LRRC63: variants seen among roughly 807,000 people sequenced by gnomAD.
LRRC63 encodes the protein leucine rich repeat containing 63.
LRRC63 carries 40 observed loss-of-function variants against 49.5 expected under a neutral mutation model. The observed-to-expected ratio is 0.81, with a 90% CI of 0.63 to 1.05. The LOEUF is 1.05. Among genes scored for constraint, LRRC63 ranks in the 50% least tolerant of loss-of-function variants. The pLI is 0.00. For synonymous variants in LRRC63, 191 were observed against 221.1 expected, an observed-to-expected ratio of 0.86 and a Z score of 1.21; for missense variants, 636 against 663.1, an observed-to-expected ratio of 0.96 and a Z score of 0.45.
chr13:46,222,824 A>G (rs1394075047), intron 2 of LRRC63, among the ~76,000 whole-genome samples: 3 of 152,032 alleles, frequency 2.0e-5, no homozygotes, highest in Non-Finnish European at 4.4e-5. Context: ...ATGTCCAACA[A>G]TGATAGACTG....
At chr13:46,220,553 TCCACTGAGCTAGA>T (rs2046376381) in intron 2 of LRRC63, among the ~76,000 whole-genome samples, 1 of 151,708 alleles carries the variant, frequency 6.6e-6, no homozygotes, top group Non-Finnish European at 1.5e-5. Flanking sequence ...GGGGGTGGGA[TCCACTGAGCTAGA>T]CCACTTGGCT....
intron 3 of LRRC63, among the ~76,000 whole-genome samples, 185 bp from the exon 4 acceptor site, chr13:46,228,480 C>G (rs1435801174): frequency 2.0e-5 from 3 of 152,148 alleles, no homozygotes; most frequent in African/African-American, 7.2e-5. Flanking sequence ...AATACACAGT[C>G]ATTCAAAGGT....
chr13:46,247,587 G>C (rs1778605899), intron 6 of LRRC63, among the ~76,000 whole-genome samples: 1 of 152,104 alleles, frequency 6.6e-6, no homozygotes, highest in Admixed American at 6.6e-5. Flanking sequence ...GTGTTATATA[G>C]CTATAGATAA....
chr13:46,266,875 C>A, exon 9 of LRRC63: 5 of 1,548,914 alleles, frequency 3.2e-6, no homozygotes, highest in Non-Finnish European at 4.4e-6. Context: ...GAATAATCCA[C>A]AACAACTTAC....
At chr13:46,251,734 T>G (rs1054249244) in intron 7 of LRRC63, among the ~76,000 whole-genome samples, 12 of 151,880 alleles carry the variant, frequency 7.9e-5, no homozygotes, top group African/African-American at 2.9e-4. Flanking sequence ...CACACAGAAC[T>G]ATATATGTAT....
At chr13:46,255,881 A>G (rs2138552497) in intron 7 of LRRC63, among the ~76,000 whole-genome samples, 1 of 152,222 alleles carries the variant, frequency 6.6e-6, no homozygotes, top group East Asian at 1.9e-4. Flanking sequence ...CCCCATGTAC[A>G]TTTCTAGTCA....
chr13:46,228,118 C>T (rs2046632641), exon 3 of LRRC63: 2 of 1,550,286 alleles, frequency 1.3e-6, no homozygotes, highest in African/African-American at 1.4e-5. Context: ...CTAAGAGTTA[C>T]TGAATTTCCA....
intron 7 of LRRC63, among the ~76,000 whole-genome samples, chr13:46,253,104 G>A (rs2047426596): frequency 6.6e-6 from 1 of 151,942 alleles, no homozygotes; most frequent in African/African-American, 2.4e-5. Context: ...CTTGGACCAA[G>A]GCAATGGTAG....
chr13:46,215,282 C>T (rs2046216490), intron 2 of LRRC63, among the ~76,000 whole-genome samples: 1 of 152,134 alleles, frequency 6.6e-6, no homozygotes. Context: ...CTATTGTTTC[C>T]TGACTTTTTA....
intron 9 of LRRC63, among the ~76,000 whole-genome samples, chr13:46,267,978 C>T (rs2047705189): frequency 6.6e-6 from 1 of 152,130 alleles, no homozygotes; most frequent in Admixed American, 6.5e-5. Context: ...TTGAGAGAAA[C>T]ATCCTTGATT....
rs183040829 is a variant in LRRC63, at chr13:46,267,709, A to T, written c.1550+737A>T. Among the ~76,000 whole-genome samples, 346 of 152,322 alleles carry T rather than the reference A, an allele frequency of 2.3e-3. 1 individual carries two copies. The highest frequency in any genetic ancestry group is 2.2e-3 in the Non-Finnish European group (152 of 68,036). On this transcript the variant is annotated intron_variant, in intron 9 of 9. Coordinates refer to ENST00000595396, the Ensembl canonical transcript of LRRC63. Reference sequence around the variant, plus strand: ...CAACGAAAAAGGAACCAGGCCCAGAAGTTTTTGATTTTATGGTATTAAGAT... The same window carrying T: ...CAACGAAAAAGGAACCAGGCCCAGATGTTTTTGATTTTATGGTATTAAGAT...
chr13:46,227,540 T>G, exon 3 of LRRC63: 4 of 1,539,024 alleles, frequency 2.6e-6, no homozygotes, highest in Non-Finnish European at 3.5e-6. Flanking sequence ...AGTCACTACA[T>G]GTAGCATTCA....
At chr13:46,220,437 G>C (rs2138365878) in intron 2 of LRRC63, among the ~76,000 whole-genome samples, 1 of 152,250 alleles carries the variant, frequency 6.6e-6, no homozygotes, top group African/African-American at 2.4e-5. Flanking sequence ...AAGCCTCAGT[G>C]ATGGCAGACG....
intron 7 of LRRC63, among the ~76,000 whole-genome samples, chr13:46,260,263 G>T (rs1409742029): frequency 6.6e-6 from 1 of 152,194 alleles, no homozygotes; most frequent in Non-Finnish European, 1.5e-5. Context: ...GCAAGAAAAT[G>T]ATATGATATT....
intron 8 of LRRC63, among the ~76,000 whole-genome samples, chr13:46,263,291 C>T (rs2047640010): frequency 6.6e-6 from 1 of 152,138 alleles, no homozygotes; most frequent in South Asian, 2.1e-4. Flanking sequence ...TCTCCTGCCT[C>T]AGCCTCCTGA....
intron 2 of LRRC63, among the ~76,000 whole-genome samples, chr13:46,215,497 T>G (rs1275792429): frequency 1.3e-5 from 2 of 152,184 alleles, no homozygotes; most frequent in African/African-American, 4.8e-5. Flanking sequence ...TTAAGTTCCT[T>G]GTAAATTGTG....
chr13:46,256,956 TAA>T (rs2047521854), intron 7 of LRRC63, among the ~76,000 whole-genome samples: 1 of 152,156 alleles, frequency 6.6e-6, no homozygotes, highest in Non-Finnish European at 1.5e-5. Context: ...AAAGGGAAAT[TAA>T]GTTTGGAGAT....
At chr13:46,219,448 C>A (rs2046343524) in intron 2 of LRRC63, among the ~76,000 whole-genome samples, 1 of 152,168 alleles carries the variant, frequency 6.6e-6, no homozygotes, top group South Asian at 2.1e-4. Flanking sequence ...TTTTCAGCTC[C>A]ATCAGTTCAT....
chr13:46,250,444 T>C, exon 7 of LRRC63: 1 of 1,537,936 alleles, frequency 6.5e-7, no homozygotes, highest in Non-Finnish European at 8.8e-7. Context: ...TTGAGTTCCT[T>C]AGAATTTTCA....
Sources: gnomAD v4.1 joint callset for allele counts (sites outside exome capture counted in the v4.1 genomes callset) on GRCh38, gnomAD v4.1.1 for gene constraint, MANE v1.5 for transcripts, NCBI Gene and HGNC (gene_info 2026-07-23, HGNC 2026-07-21) for gene names.